The following COL25A1 variants were observed in gnomAD, a reference collection of about 807,000 sequenced individuals.
COL25A1 encodes collagen type XXV alpha 1 chain, also known as collagen alpha-1(XXV) chain.
Under a neutral mutation model 128.4 loss-of-function variants are expected in COL25A1, and 103 were observed. That is an observed-to-expected ratio of 0.80 (90% confidence interval 0.68 to 0.94). COL25A1 has a LOEUF of 0.94. Ranked by LOEUF, COL25A1 falls within the 40% of genes least tolerant of loss-of-function variation. The pLI, the probability that COL25A1 is intolerant of heterozygous loss-of-function variation, is 0.00. For synonymous variants in COL25A1, 279 were observed against 277.2 expected, an observed-to-expected ratio of 1.01 and a Z score of -0.06; for missense variants, 745 against 840.0, an observed-to-expected ratio of 0.89 and a Z score of 1.40.
chr4:109,032,312 C>T (rs973462883), intron 5 of COL25A1, among the ~76,000 whole-genome samples: 7 of 152,124 alleles, frequency 4.6e-5, no homozygotes, highest in Non-Finnish European at 1.0e-4. Flanking sequence ...TTTAAAAATT[C>T]ATTCTTATAT....
chr4:109,147,891 T>C (rs1398067241), intron 3 of COL25A1, among the ~76,000 whole-genome samples: 1 of 151,732 alleles, frequency 6.6e-6, no homozygotes, highest in Non-Finnish European at 1.5e-5. Flanking sequence ...CCTGTATGAA[T>C]GGAGTGCTTA....
rs975683904 is a variant in COL25A1 at position 108,901,414 on chromosome 4, A to T, written c.781-242T>A. Among the ~76,000 whole-genome samples the T allele has an allele frequency of 3.3e-5, 5 of 152,146 alleles. 1 individual carries two copies. The South Asian group carries it at 1.0e-3, about 31-fold the overall frequency. On this transcript the variant is annotated intron_variant, in intron 13 of 37. Coordinates refer to ENST00000399132, the MANE Select transcript of COL25A1 (RefSeq NM_198721.4). Reference sequence around the variant, plus strand: ...ATTAAGAAAACTGAGGCAACTTACCAGTGGAAATTAACATCTAGCATGTTG... The same window carrying T: ...ATTAAGAAAACTGAGGCAACTTACCTGTGGAAATTAACATCTAGCATGTTG...
Position 108,994,628 on chromosome 4 carries a change from G to A in COL25A1, c.438+15730C>T, listed in dbSNP as rs981976853. On this transcript the variant is annotated intron_variant, in intron 6 of 37. Transcript: ENST00000399132. ...AGAGCAGTGGTTCTCTCAGAACGAC[G>A]TTCAAGCTCTGAGAAGGGACAGACT... 9.2e-5 allele frequency among the ~76,000 whole-genome samples: 14 copies of A among 152,306 alleles called. 1 individual carries two copies. The East Asian group carries it at 9.7e-4, about 11-fold the overall frequency.
intron 11 of COL25A1, among the ~76,000 whole-genome samples, chr4:108,927,152 T>C (rs1365801329): frequency 6.6e-6 from 1 of 152,194 alleles, no homozygotes; most frequent in African/African-American, 2.4e-5. Flanking sequence ...TTCTTAATCA[T>C]TCTTCAAGGC....
intron 3 of COL25A1, among the ~76,000 whole-genome samples, chr4:109,070,725 C>G (rs1394299841): frequency 7.1e-6 from 1 of 141,830 alleles, no homozygotes; most frequent in Non-Finnish European, 1.5e-5. Context: ...GTGATGTTCC[C>G]CTTCCTATGT....
chr4:109,245,188 C>A (rs1417305898), intron 3 of COL25A1, among the ~76,000 whole-genome samples: 2 of 151,972 alleles, frequency 1.3e-5, no homozygotes, highest in African/African-American at 2.4e-5. Context: ...AAGCAAAAAA[C>A]CCCAGAACTT....
intron 35 of COL25A1, chr4:108,823,903 C>T: frequency 7.3e-7 from 1 of 1,370,840 alleles, no homozygotes; most frequent in Non-Finnish European, 9.4e-7. Flanking sequence ...CTTTATTTTT[C>T]CATAAATTGG....
At chr4:108,879,583 G>A (rs1739868173) in intron 19 of COL25A1, among the ~76,000 whole-genome samples, 1 of 151,906 alleles carries the variant, frequency 6.6e-6, no homozygotes, top group East Asian at 1.9e-4. Flanking sequence ...AAGTAACTGG[G>A]ACTACAGGCA....
rs771381986 is a variant in COL25A1 at position 109,048,161 on chromosome 4, T to C, written c.420+7A>G. On this transcript the variant is annotated splice_region_variant and intron_variant, in intron 5 of 37. Transcript: ENST00000399132. ...CAAACAAGCCAAAGTGCAGCAAACATACTTACAGGAGGACCTATGGGGGGA... is the reference window on the plus strand; with the variant it reads ...CAAACAAGCCAAAGTGCAGCAAACACACTTACAGGAGGACCTATGGGGGGA... The C allele has an allele frequency of 1.1e-5, 17 of 1,612,824 alleles. No individual in the cohort carries two copies. The highest frequency in any genetic ancestry group is 1.4e-5 in the Non-Finnish European group (17 of 1,178,966).
intron 3 of COL25A1, among the ~76,000 whole-genome samples, chr4:109,251,375 G>A (rs749213036): frequency 7.2e-5 from 11 of 152,124 alleles, no homozygotes; most frequent in Non-Finnish European, 1.3e-4. Context: ...GAAGGATCTA[G>A]GCTGTTAGCA....
chr4:109,111,682 T>A (rs1190584284), intron 3 of COL25A1, among the ~76,000 whole-genome samples: 1 of 152,164 alleles, frequency 6.6e-6, no homozygotes, highest in Non-Finnish European at 1.5e-5. Context: ...CTGTGAAGCT[T>A]CCCCTTCCCC....
chr4:109,146,474 CT>C (rs1770955319), intron 3 of COL25A1, among the ~76,000 whole-genome samples: 1 of 152,218 alleles, frequency 6.6e-6, no homozygotes, highest in African/African-American at 2.4e-5. Context: ...AAAAAGCCCC[CT>C]GGTTCTGCTT....
chr4:108,906,456 ATATGC>A (rs1327527399), intron 13 of COL25A1, among the ~76,000 whole-genome samples: 3 of 152,146 alleles, frequency 2.0e-5, no homozygotes, highest in African/African-American at 7.2e-5. Flanking sequence ...CTATAAAGGC[ATATGC>A]CTGTGCCTTT....
intron 3 of COL25A1, among the ~76,000 whole-genome samples, chr4:109,198,904 C>G (rs1477239231): frequency 6.6e-6 from 1 of 152,168 alleles, no homozygotes; most frequent in Non-Finnish European, 1.5e-5. Context: ...CCTCTGAACA[C>G]TAAACACTTC....
rs1002442508 is a variant in COL25A1 at position 108,888,487 on chromosome 4, T to C, written c.975+734A>G. Among the ~76,000 whole-genome samples the C allele has an allele frequency of 2.6e-4, 40 of 152,212 alleles. 1 individual carries two copies. The highest frequency in any genetic ancestry group is 1.2e-4 in the Non-Finnish European group (8 of 68,024). On this transcript the variant is annotated intron_variant, in intron 18 of 37. Coordinates refer to ENST00000399132, the MANE Select transcript of COL25A1 (RefSeq NM_198721.4). ...GGTCTAAAATCTGACTGTATGGGCA[T>C]TGATATCCAAATGCTCAGACGATAA...
intron 3 of COL25A1, among the ~76,000 whole-genome samples, chr4:109,174,607 C>G (rs75511392): frequency 0.034 from 5,219 of 152,222 alleles, 276 homozygotes; most frequent in African/African-American, 0.11. Context: ...CCTCCCCCAG[C>G]CATGAGAATA....
intron 3 of COL25A1, among the ~76,000 whole-genome samples, chr4:109,068,821 C>G (rs1183198326): frequency 5.9e-5 from 9 of 152,006 alleles, no homozygotes; most frequent in Admixed American, 5.9e-4. Context: ...TTCGGTGGTA[C>G]AGTTAAAACA....
At chr4:109,145,430 T>C (rs994517801) in intron 3 of COL25A1, among the ~76,000 whole-genome samples, 8 of 152,232 alleles carry the variant, frequency 5.3e-5, no homozygotes, top group African/African-American at 1.9e-4. Context: ...AACTTACACA[T>C]ACTGTAATTA....
intron 3 of COL25A1, among the ~76,000 whole-genome samples, chr4:109,161,305 G>A (rs1772556994): frequency 6.6e-6 from 1 of 152,160 alleles, no homozygotes; most frequent in Admixed American, 6.5e-5. Context: ...TATAGTGTAT[G>A]GGACAGCCAC....
Sources: allele counts gnomAD v4.1 joint callset (sites outside exome capture counted in the v4.1 genomes callset), GRCh38; gene constraint gnomAD v4.1.1; transcripts MANE v1.5; gene names NCBI Gene and HGNC (gene_info 2026-07-23, HGNC 2026-07-21).